ZFHX3: variants seen among roughly 807,000 people sequenced by gnomAD.
ZFHX3 encodes the protein zinc finger homeobox protein 3.
In ZFHX3, 42 loss-of-function variants were observed where a neutral mutation model predicts 279.1. The observed-to-expected ratio is 0.15, with a 90% confidence interval of 0.12 to 0.19. The LOEUF (loss-of-function observed/expected upper bound fraction) is 0.19. Ranked by LOEUF, ZFHX3 falls within the 10% of genes least tolerant of loss-of-function variation. The pLI, the probability that ZFHX3 is intolerant of heterozygous loss-of-function variation, is 1.00. For synonymous variants in ZFHX3, 2,293 were observed against 1,957.8 expected, an observed-to-expected ratio of 1.17 and a Z score of -4.52; for missense variants, 4,981 against 4,754.0, an observed-to-expected ratio of 1.05 and a Z score of -1.40.
chr16:72,836,140 G>C (rs867132560), intron 4 of ZFHX3, among the ~76,000 whole-genome samples: 1 of 152,192 alleles, frequency 6.6e-6, no homozygotes, highest in African/African-American at 2.4e-5. Flanking sequence ...TCTAAGCCAG[G>C]AAGGAAGAGG....
chr16:73,348,915 T>C (rs941116251), intron 3 of ZFHX3, among the ~76,000 whole-genome samples: 1 of 152,190 alleles, frequency 6.6e-6, no homozygotes, highest in Non-Finnish European at 1.5e-5. Flanking sequence ...AGTACCTTGG[T>C]TCGGTGGAAA....
At chr16:72,824,335 A>T (rs2036879198) in intron 5 of ZFHX3, among the ~76,000 whole-genome samples, 1 of 152,244 alleles carries the variant, frequency 6.6e-6, no homozygotes, top group Admixed American at 6.5e-5. Context: ...TATAGATTCA[A>T]ATCAGGGACG....
chr16:72,944,596 C>G (rs1960572270), intron 3 of ZFHX3, among the ~76,000 whole-genome samples: 2 of 106,086 alleles, frequency 1.9e-5, no homozygotes, highest in African/African-American at 8.1e-5. Context: ...AATAAAAATC[C>G]ATCACATGGT....
intron 2 of ZFHX3, among the ~76,000 whole-genome samples, chr16:73,673,710 A>C (rs2052926143): frequency 1.3e-5 from 2 of 152,224 alleles, no homozygotes; most frequent in Non-Finnish European, 2.9e-5. Context: ...AAGAGCCTCA[A>C]AATTGAAGTG....
At chr16:73,776,393 T>C (rs991099276) in intron 1 of ZFHX3, among the ~76,000 whole-genome samples, 2 of 152,308 alleles carry the variant, frequency 1.3e-5, no homozygotes, top group South Asian at 4.1e-4. Context: ...CTACTCTAAC[T>C]GCTGTGGTTT....
chr16:73,484,441 G>C (rs536804386), intron 2 of ZFHX3, among the ~76,000 whole-genome samples: 1 of 152,314 alleles, frequency 6.6e-6, no homozygotes, highest in Middle Eastern at 3.4e-3. Flanking sequence ...ATTCCCTTGA[G>C]ATGGCCTAAT....
At chr16:73,701,060 T>A (rs2053241251) in intron 1 of ZFHX3, among the ~76,000 whole-genome samples, 1 of 152,208 alleles carries the variant, frequency 6.6e-6, no homozygotes, top group South Asian at 2.1e-4. Flanking sequence ...CTCTTCTGGT[T>A]TGTGTGTTCA....
intron 5 of ZFHX3, among the ~76,000 whole-genome samples, chr16:73,154,000 G>A (rs552864212): frequency 3.2e-4 from 49 of 152,220 alleles, no homozygotes; most frequent in African/African-American, 1.1e-3. Context: ...CACGGCGCCT[G>A]GCCTCAAAAC....
intron 1 of ZFHX3, among the ~76,000 whole-genome samples, chr16:73,029,568 T>G (rs1246407339): frequency 6.6e-6 from 1 of 152,208 alleles, no homozygotes; most frequent in East Asian, 1.9e-4. Flanking sequence ...GATTTTTCGC[T>G]CTGGAGTATT....
Position 72,958,265 on chromosome 16 carries a change from G to T in ZFHX3, c.1881C>A (p.Cys627Ter). 1 of 1,613,900 alleles carries T rather than the reference G, an allele frequency of 6.2e-7. No homozygotes were observed. The highest frequency in any genetic ancestry group is 8.5e-7 in the Non-Finnish European group (1 of 1,179,790). ...VPHHQHAGSL[C>*]ELGVGECPSG... The stretch of plus-strand genomic sequence containing the variant: ...AGGGGCACTCCCCAACCCCAAGCTC[G>T]CAGAGGGAGCCAGCGTGCTGGTGAT... The change falls in exon 2 of 10, where the codon TGC becomes TGA. Residue 627 changes from cysteine (C) to a stop codon, truncating the protein, a stop_gained. Transcript: ENST00000268489. LOFTEE classifies it high-confidence loss of function.
chr16:72,838,587 A>G (rs1200887555), intron 4 of ZFHX3, among the ~76,000 whole-genome samples: 11 of 152,122 alleles, frequency 7.2e-5, no homozygotes, highest in Non-Finnish European at 1.2e-4. Flanking sequence ...GCATGAAGTG[A>G]AAAATGCTGC....
At chr16:73,394,776 T>C (rs749962924) in intron 3 of ZFHX3, among the ~76,000 whole-genome samples, 2 of 152,186 alleles carry the variant, frequency 1.3e-5, no homozygotes, top group Non-Finnish European at 2.9e-5. Context: ...CTGTACCCCT[T>C]AGATAACATT....
intron 4 of ZFHX3, among the ~76,000 whole-genome samples, chr16:72,882,046 G>C (rs1195422133): frequency 1.3e-5 from 2 of 151,964 alleles, no homozygotes; most frequent in Non-Finnish European, 2.9e-5. Flanking sequence ...AGCCAACGGG[G>C]GTCTCTGGCA....
intron 2 of ZFHX3, among the ~76,000 whole-genome samples, chr16:73,604,116 C>T (rs561981808): frequency 6.6e-6 from 1 of 151,912 alleles, no homozygotes; most frequent in Non-Finnish European, 1.5e-5. Context: ...GACTAGAAAA[C>T]CAAATGCAGT....
At chr16:73,020,310 C>G (rs957325501) in intron 1 of ZFHX3, among the ~76,000 whole-genome samples, 1 of 152,222 alleles carries the variant, frequency 6.6e-6, no homozygotes, top group Non-Finnish European at 1.5e-5. Flanking sequence ...GATCAAATAG[C>G]AAACTGCCCA....
intron 2 of ZFHX3, among the ~76,000 whole-genome samples, chr16:73,492,455 C>T (rs1408163751): frequency 6.6e-6 from 1 of 152,220 alleles, no homozygotes; most frequent in African/African-American, 2.4e-5. Context: ...CAGTCTCTCT[C>T]CACCCTGATC....
intron 2 of ZFHX3, among the ~76,000 whole-genome samples, chr16:73,582,873 A>C (rs960801911): frequency 6.6e-6 from 1 of 150,730 alleles, no homozygotes; most frequent in Admixed American, 6.6e-5. Context: ...GAAGCCATAT[A>C]AAATCTACAT....
chr16:73,084,482 C>T (rs1965985656), intron 8 of ZFHX3, among the ~76,000 whole-genome samples: 1 of 150,554 alleles, frequency 6.6e-6, no homozygotes, highest in African/African-American at 2.4e-5. Context: ...AGCAATCCCA[C>T]AGCTACAAAA....
At chr16:73,188,060 A>G (rs1262723574) in intron 5 of ZFHX3, among the ~76,000 whole-genome samples, 1 of 151,588 alleles carries the variant, frequency 6.6e-6, no homozygotes, top group Non-Finnish European at 1.5e-5. Context: ...ACGGGGTTTC[A>G]CTCTGTTAGC....
Sources: allele counts gnomAD v4.1 joint callset (sites outside exome capture counted in the v4.1 genomes callset), GRCh38; gene constraint gnomAD v4.1.1; transcripts MANE v1.5; gene names NCBI Gene and HGNC (gene_info 2026-07-23, HGNC 2026-07-21).